Variants in CCNH observed in about 807,000 individuals in gnomAD.
CCNH encodes cyclin H.
Under a neutral mutation model 41.9 loss-of-function variants are expected in CCNH, and 31 were observed. That is an observed-to-expected ratio of 0.74 (90% CI 0.56 to 1.00). The LOEUF is 1.00. Among genes scored for constraint, CCNH ranks in the 50% least tolerant of loss-of-function variants. CCNH has a pLI of 0.00. For synonymous variants in CCNH, 138 were observed against 136.1 expected (o/e 1.01, Z -0.10); for missense variants, 362 against 388.4 (o/e 0.93, Z 0.57).
At chr5:87,347,686 T>G (rs1256334378) in intron 9 of CCNH, among the ~76,000 whole-genome samples, 1 of 151,976 alleles carries the variant, frequency 6.6e-6, no homozygotes, top group Non-Finnish European at 1.5e-5. Context: ...AATTTTATTG[T>G]GAAGCTGTAG....
At chr5:87,392,575 A>G (rs1363444635), downstream of CCNH, 1 of 322,100 alleles carries the variant, frequency 3.1e-6, no homozygotes, top group Non-Finnish European at 6.1e-6. Flanking sequence ...CAGGGAGGAT[A>G]TGGATTAGTC....
chr5:87,399,929 A>G (rs1763270471), intron 6 of CCNH, among the ~76,000 whole-genome samples: 1 of 152,250 alleles, frequency 6.6e-6, no homozygotes, highest in Non-Finnish European at 1.5e-5. Flanking sequence ...TTTCAAAGGA[A>G]ACTGTTATTA....
intron 7 of CCNH, 49 bp downstream of exon 7, chr5:87,399,345 G>T: frequency 2.3e-6 from 3 of 1,304,916 alleles, no homozygotes; most frequent in Non-Finnish European, 2.2e-6. Context: ...GAACCAGCTG[G>T]ACTGGATAAC....
chr5:87,333,500 T>G (rs767303921), intron 9 of CCNH, among the ~76,000 whole-genome samples: 9 of 152,180 alleles, frequency 5.9e-5, no homozygotes, highest in Non-Finnish European at 1.2e-4. Flanking sequence ...CTGGGTTGGC[T>G]TATTTGTTCA....
At chr5:87,371,634 G>T (rs1264870519), downstream of CCNH, among the ~76,000 whole-genome samples, 1 of 151,998 alleles carries the variant, frequency 6.6e-6, no homozygotes, top group Non-Finnish European at 1.5e-5. Flanking sequence ...CTGTATCATG[G>T]TCTAAAGTAT....
chr5:87,406,155 A>C (rs938338781), intron 4 of CCNH, among the ~76,000 whole-genome samples: 2 of 152,188 alleles, frequency 1.3e-5, no homozygotes, highest in Non-Finnish European at 2.9e-5. Context: ...ATCCTGAGGC[A>C]TAACAGTATC....
chr5:87,355,418 C>A (rs149192414), intron 9 of CCNH, among the ~76,000 whole-genome samples: 1 of 152,274 alleles, frequency 6.6e-6, no homozygotes, highest in East Asian at 1.9e-4. Flanking sequence ...ACAAAGCCTG[C>A]ATGATAGCCC....
At chr5:87,399,839 G>C (rs559736863) in intron 6 of CCNH, among the ~76,000 whole-genome samples, 1 of 152,144 alleles carries the variant, frequency 6.6e-6, no homozygotes, top group Admixed American at 6.5e-5. Context: ...ATGATTTAGT[G>C]AACATGTTTT....
downstream of CCNH, chr5:87,386,718 A>G: frequency 1.1e-6 from 1 of 892,922 alleles, no homozygotes; most frequent in Non-Finnish European, 1.9e-6. Context: ...ATTTGGTGCA[A>G]TAGTAATTGC....
chr5:87,350,117 A>G (rs1398963713), intron 9 of CCNH, among the ~76,000 whole-genome samples: 3 of 151,886 alleles, frequency 2.0e-5, no homozygotes, highest in Non-Finnish European at 4.4e-5. Flanking sequence ...TTGTCAAACT[A>G]GACATTTGAG....
chr5:87,365,507 G>A (rs948731924), intron 9 of CCNH, among the ~76,000 whole-genome samples: 3 of 151,742 alleles, frequency 2.0e-5, no homozygotes, highest in Non-Finnish European at 4.4e-5. Flanking sequence ...ACCTTTTTTC[G>A]ATTAACAGAG....
upstream of CCNH, chr5:87,380,384 CTTT>C: frequency 1.1e-6 from 1 of 879,982 alleles, no homozygotes; most frequent in Non-Finnish European, 1.9e-6. Flanking sequence ...TGGCAAAATA[CTTT>C]TTTGGGTAAA....
At chr5:87,394,263 G>A (rs566465692), downstream of CCNH, 4 of 1,281,212 alleles carry the variant, frequency 3.1e-6, no homozygotes, top group Middle Eastern at 3.0e-4. Flanking sequence ...CAAAACAGGT[G>A]CTATTCTAGC....
chr5:87,360,442 C>T (rs1219725563), intron 9 of CCNH, among the ~76,000 whole-genome samples: 3 of 152,086 alleles, frequency 2.0e-5, no homozygotes, highest in Non-Finnish European at 2.9e-5. Context: ...TCTGATGGCT[C>T]ATAATTTTGT....
At chr5:87,355,351 C>T (rs1296897901) in intron 9 of CCNH, among the ~76,000 whole-genome samples, 3 of 152,124 alleles carry the variant, frequency 2.0e-5, no homozygotes, top group Non-Finnish European at 4.4e-5. Flanking sequence ...TTCTGAAAAT[C>T]CTAGGAGCAT....
chr5:87,395,422 T>C (rs1332417311), intron 7 of CCNH, among the ~76,000 whole-genome samples: 6 of 152,180 alleles, frequency 3.9e-5, no homozygotes, highest in Non-Finnish European at 8.8e-5. Context: ...GTCCCAGTTA[T>C]CTTTAAAGCA....
downstream of CCNH, among the ~76,000 whole-genome samples, chr5:87,388,774 C>T (rs146532842): frequency 7.5e-3 from 1,147 of 152,252 alleles, 17 homozygotes; most frequent in African/African-American, 0.027. Flanking sequence ...GCATTATCAA[C>T]TTAGACAAAC....
intron 4 of CCNH, among the ~76,000 whole-genome samples, chr5:87,405,598 T>G (rs1262195753): frequency 2.0e-5 from 3 of 151,886 alleles, no homozygotes; most frequent in Non-Finnish European, 4.4e-5. Flanking sequence ...ATATTCAGAG[T>G]CAATTATGCA....
rs557656050 is a variant in CCNH, at chr5:87,394,675, T to TA, written c.934-192dup. ...CTCACCAGACTCCTCCAGTGAGGAA[T>TA]AAAGGTTATGGCTGTGACCTTTTGC... On this transcript the variant is annotated intron_variant, in intron 8 of 8. Coordinates refer to ENST00000256897, the MANE Select transcript of CCNH (RefSeq NM_001239.4). 4.3e-4 allele frequency: 597 copies of TA among 1,388,172 alleles called. 4 individuals are homozygous for TA. The African/African-American group carries it at 7.8e-3, about 18-fold the overall frequency. The allele number at this position is 1,388,172 out of a possible 1,614,324, so 86.0% of individuals were successfully genotyped here.
Sources: allele counts gnomAD v4.1 joint callset (sites outside exome capture counted in the v4.1 genomes callset), GRCh38; gene constraint gnomAD v4.1.1; transcripts MANE v1.5; gene names NCBI Gene and HGNC (gene_info 2026-07-23, HGNC 2026-07-21).